Variants in LRP11 observed in about 807,000 individuals in gnomAD.
LRP11 encodes the protein low-density lipoprotein receptor-related protein 11.
LRP11 carries 25 observed loss-of-function variants against 43.1 expected under a neutral mutation model. The observed-to-expected ratio is 0.58, with a 90% CI of 0.42 to 0.81. The LOEUF (loss-of-function observed/expected upper bound fraction) is 0.81, where lower values mean the gene tolerates loss of function less well. LRP11 is among the 30% of genes least tolerant of loss of function. The pLI, the probability that LRP11 is intolerant of heterozygous loss-of-function variation, is 0.00. For missense variants in LRP11, 623 were observed against 665.1 expected, an observed-to-expected ratio of 0.94 and a Z score of 0.70; for synonymous variants, 316 against 299.4, an observed-to-expected ratio of 1.06 and a Z score of -0.57.
At chr6:149,854,398 C>A (rs1776768312) in intron 1 of LRP11, among the ~76,000 whole-genome samples, 1 of 152,128 alleles carries the variant, frequency 6.6e-6, no homozygotes, top group African/African-American at 2.4e-5. Context: ...TGAGCCACTG[C>A]ACCCAGCCTA....
chr6:149,844,971 G>T (rs1054241218), intron 2 of LRP11, among the ~76,000 whole-genome samples: 1 of 152,150 alleles, frequency 6.6e-6, no homozygotes, highest in Non-Finnish European at 1.5e-5. Flanking sequence ...GCAGGACCCA[G>T]GATTCTACAC....
chr6:149,860,304 A>G (rs1776871934), intron 1 of LRP11, among the ~76,000 whole-genome samples: 1 of 152,098 alleles, frequency 6.6e-6, no homozygotes, highest in African/African-American at 2.4e-5. Flanking sequence ...CAGGCTGAAT[A>G]TCCAGCAAAA....
chr6:149,864,065 G>A lies in LRP11; in HGVS notation c.-45C>T, dbSNP rs1776994798. The A allele has an allele frequency of 1.6e-6, 2 of 1,265,800 alleles. No individual in the cohort carries two copies. The highest frequency in any genetic ancestry group is 1.6e-5 in the African/African-American group (1 of 63,696). 78.4% of individuals were successfully genotyped at this position (1,265,800 alleles called of 1,614,324 possible). ...AGCGAGCCGAGGCGGGGCTGAGCGCGGGAGGAAGGCGGGGACGCGGGCGAG... is the reference window on the plus strand; with the variant it reads ...AGCGAGCCGAGGCGGGGCTGAGCGCAGGAGGAAGGCGGGGACGCGGGCGAG... On this transcript the variant is annotated 5_prime_UTR_variant, in exon 1 of 7. Transcript: ENST00000239367.
chr6:149,836,396 T>G (rs754147609), intron 4 of LRP11, 99 bp from the exon 5 acceptor site: 3 of 1,016,448 alleles, frequency 3.0e-6, no homozygotes, highest in Non-Finnish European at 4.4e-6. Flanking sequence ...CACGGATATT[T>G]GGATGTAACA....
chr6:149,841,651 G>A (rs1159406724), intron 3 of LRP11, among the ~76,000 whole-genome samples: 1 of 152,114 alleles, frequency 6.6e-6, no homozygotes, highest in Non-Finnish European at 1.5e-5. Flanking sequence ...GGTGGTTCAC[G>A]CCTGTAGTCT....
intron 3 of LRP11, among the ~76,000 whole-genome samples, chr6:149,841,627 G>A (rs1056210968): frequency 1.3e-5 from 2 of 152,138 alleles, no homozygotes; most frequent in Admixed American, 6.5e-5. Context: ...ACATGTAGAC[G>A]TTGGGCTGGG....
chr6:149,828,375 A>G (rs1011612495), intron 5 of LRP11, among the ~76,000 whole-genome samples: 1 of 152,038 alleles, frequency 6.6e-6, no homozygotes, highest in African/African-American at 2.4e-5. Flanking sequence ...GTGGCAAGTA[A>G]TTTTTACACT....
intron 6 of LRP11, among the ~76,000 whole-genome samples, chr6:149,822,002 A>G (rs923616373): frequency 2.6e-5 from 4 of 152,190 alleles, no homozygotes; most frequent in Admixed American, 6.5e-5. Context: ...CCACCACATA[A>G]GTTGGTGCTA....
At chr6:149,828,344 A>T (rs1776367412) in intron 5 of LRP11, among the ~76,000 whole-genome samples, 1 of 152,174 alleles carries the variant, frequency 6.6e-6, no homozygotes, top group South Asian at 2.1e-4. Flanking sequence ...CTGCTAGTAG[A>T]CAGACCAGAG....
intron 3 of LRP11, among the ~76,000 whole-genome samples, chr6:149,842,306 A>T (rs1008543549): frequency 2.6e-5 from 4 of 152,158 alleles, no homozygotes; most frequent in Non-Finnish European, 5.9e-5. Flanking sequence ...TTTATGAGGC[A>T]CAATGTGATG....
At chr6:149,841,880 CCCACTCCAG>C (rs1242504083) in intron 3 of LRP11, among the ~76,000 whole-genome samples, 2 of 152,024 alleles carry the variant, frequency 1.3e-5, no homozygotes, top group African/African-American at 4.8e-5. Flanking sequence ...CCACTGCACT[CCCACTCCAG>C]CCTAGGCAAC....
At chr6:149,847,866 C>CACAA (rs1554259754) in intron 2 of LRP11, among the ~76,000 whole-genome samples, 15 of 136,468 alleles carry the variant, frequency 1.1e-4, no homozygotes, top group African/African-American at 4.3e-4. Flanking sequence ...CACACACACA[C>CACAA]ACACACACAC....
chr6:149,844,870 C>T (rs549399102), intron 2 of LRP11, among the ~76,000 whole-genome samples: 2 of 152,262 alleles, frequency 1.3e-5, no homozygotes, highest in African/African-American at 2.4e-5. Flanking sequence ...ATGAGATTAC[C>T]GTGGTTGTCA....
chr6:149,853,557 G>T (rs1480839790), intron 1 of LRP11, among the ~76,000 whole-genome samples: 8 of 152,150 alleles, frequency 5.3e-5, no homozygotes, highest in Admixed American at 5.2e-4. Flanking sequence ...ACCCAGGCTG[G>T]AGTGCAATGG....
intron 5 of LRP11, among the ~76,000 whole-genome samples, chr6:149,834,328 C>A (rs76556937): frequency 0.038 from 5,779 of 152,182 alleles, 167 homozygotes; most frequent in Middle Eastern, 0.068. Flanking sequence ...CTGGACAGCA[C>A]CTTGGAGGAC....
chr6:149,848,126 C>G (rs940127737), intron 2 of LRP11, among the ~76,000 whole-genome samples: 1 of 151,980 alleles, frequency 6.6e-6, no homozygotes, highest in African/African-American at 2.4e-5. Context: ...TTTGGAGATA[C>G]GTGCTCATGA....
intron 5 of LRP11, among the ~76,000 whole-genome samples, chr6:149,829,440 G>A (rs1776381469): frequency 2.0e-5 from 3 of 151,898 alleles, no homozygotes; most frequent in Admixed American, 2.0e-4. Flanking sequence ...ACACGCTTGT[G>A]ATCTCAGCTA....
At chr6:149,847,451 T>C (rs1291263504) in intron 2 of LRP11, among the ~76,000 whole-genome samples, 1 of 152,336 alleles carries the variant, frequency 6.6e-6, no homozygotes, top group East Asian at 1.9e-4. Context: ...TTAGAAGATG[T>C]AGAACTGTCA....
intron 5 of LRP11, 85 bp downstream of exon 5, chr6:149,836,000 A>G (rs1300945901): frequency 6.5e-6 from 8 of 1,230,046 alleles, no homozygotes; most frequent in East Asian, 2.3e-5. Context: ...CTTCCTTAAC[A>G]CTCTTCAAAC....
Sources: gnomAD v4.1 joint callset for allele counts (sites outside exome capture counted in the v4.1 genomes callset) on GRCh38, gnomAD v4.1.1 for gene constraint, MANE v1.5 for transcripts, NCBI Gene and HGNC (gene_info 2026-07-23, HGNC 2026-07-21) for gene names.